INSL3: variants seen among roughly 807,000 people sequenced by gnomAD.
The protein encoded by INSL3 is insulin like 3.
Under a neutral mutation model 5.5 loss-of-function variants are expected in INSL3, and 6 were observed. The ratio of observed to expected loss-of-function variants is 1.08; its 90% CI spans 0.59 to 2.14. The LOEUF (loss-of-function observed/expected upper bound fraction) is 2.14, where lower values mean the gene tolerates loss of function less well. INSL3 is among the 30% of genes most tolerant of loss of function. INSL3 has a pLI of 0.00. For missense variants in INSL3, 178 were observed against 184.7 expected (o/e 0.96, Z 0.21); for synonymous variants, 86 against 82.1 (o/e 1.05, Z -0.26).
At chr19:17,818,793 T>C (rs2094191468) in intron 1 of INSL3, among the ~76,000 whole-genome samples, 1 of 151,804 alleles carries the variant, frequency 6.6e-6, no homozygotes, top group Non-Finnish European at 1.5e-5. Flanking sequence ...TTCATGGCAT[T>C]AGGGGGCAGA....
chr19:17,819,404 C>T (rs1049114038), intron 1 of INSL3, among the ~76,000 whole-genome samples: 15 of 152,006 alleles, frequency 9.9e-5, no homozygotes, highest in Admixed American at 3.3e-4. Flanking sequence ...TGAGCCACCA[C>T]ATCCAGCAAG....
intron 1 of INSL3, among the ~76,000 whole-genome samples, chr19:17,818,262 G>A (rs528955215): frequency 2.2e-4 from 34 of 152,198 alleles, no homozygotes; most frequent in Non-Finnish European, 3.8e-4. Flanking sequence ...CAAACTTGTC[G>A]TATATCCCTG....
intron 1 of INSL3, among the ~76,000 whole-genome samples, chr19:17,820,825 T>C (rs2094194450): frequency 6.6e-6 from 1 of 151,082 alleles, no homozygotes; most frequent in African/African-American, 2.4e-5. Context: ...CTTTTTTTTT[T>C]TTTTTTGAGA....
chr19:17,821,448 G>A lies in INSL3; in HGVS notation c.59C>T (p.Ala20Val). The A allele has an allele frequency of 6.5e-7, 1 of 1,541,784 alleles. No homozygotes were observed. Among genetic ancestry groups the A allele is most frequent in the Non-Finnish European group, 8.8e-7 (1 of 1,141,082 alleles). Residue 20 changes from alanine to valine, a missense_variant, in exon 1 of 2, where the codon GCG (alanine) becomes GTG (valine). Transcript: ENST00000317306. ...LVLLGPALVF[A>V]LGPAPTPEMR... is the part of the protein sequence containing the mutation. ...CTCTGGGGTGGGCGCGGGGCCCAAC[G>A]CGAACACCAGGGCAGGGCCCAGCAG...
In INSL3 at chr19:17,816,765, G is replaced by A. The variant is rs533431953; in HGVS notation, c.*89C>T. On this transcript the variant is annotated 3_prime_UTR_variant, in exon 2 of 2. Transcript: ENST00000317306. ...GAGGTAATCAAAGGCCTGTAGATGC[G>A]AGACTTTATGGTGCTGTGTGGCCTC... 1.6e-4 allele frequency: 213 copies of A among 1,314,554 alleles called. 1 individual carries two copies. In the South Asian group the frequency reaches 2.5e-3, roughly 15 times the overall value. 81.4% of individuals were successfully genotyped at this position (1,314,554 alleles called of 1,614,324 possible).
At chr19:17,821,059 G>T (rs989579589) in intron 1 of INSL3, among the ~76,000 whole-genome samples, 1 of 152,074 alleles carries the variant, frequency 6.6e-6, no homozygotes, top group African/African-American at 2.4e-5. Flanking sequence ...GACCTCTGGG[G>T]ATCCACCCGC....
rs762412864 is a variant in INSL3, at chr19:17,821,326, C to A, written c.181G>T (p.Gly61Ter). ...GCCCGTCCCCACTCACGGTCGCCTC[C>A]GGTCGCAGGCCTCCTGGCTTCGGTG... ...WSTEARRPAT[G>*]GDRELLQWLE... Residue 61 changes from glycine (G) to a stop codon, truncating the protein, a stop_gained, in exon 1 of 2, where the codon GGA becomes TGA. Coordinates refer to ENST00000317306, the MANE Select transcript of INSL3 (RefSeq NM_005543.4). LOFTEE classifies it low-confidence loss of function (END_TRUNC). 4.5e-6 allele frequency: 7 copies of A among 1,547,392 alleles called. No individual in the cohort carries two copies. Among genetic ancestry groups the A allele is most frequent in the Middle Eastern group, 1.8e-4 (1 of 5,604 alleles).
intron 1 of INSL3, among the ~76,000 whole-genome samples, chr19:17,818,621 A>G (rs1164999453): frequency 6.6e-6 from 1 of 151,980 alleles, no homozygotes; most frequent in Non-Finnish European, 1.5e-5. Flanking sequence ...CTCAAAAGAA[A>G]AAAAAAAGGA....
Position 17,821,428 on chromosome 19 carries a change from G to A in INSL3, c.79C>T (p.Pro27Ser), listed in dbSNP as rs538955868. 86 of 1,546,650 alleles carry A rather than the reference G, an allele frequency of 5.6e-5. No individual in the cohort carries two copies. The East Asian group carries it at 1.1e-3, about 20-fold the overall frequency. Residue 27 changes from proline to serine, a missense_variant, in exon 1 of 2, where the codon CCA becomes TCA. Pro to Ser is a moderately conservative substitution (Grantham distance 74). Transcript: ENST00000317306. Reference sequence around the variant, plus strand: ...CCGCACAACTTCTCACGCATCTCTGGGGTGGGCGCGGGGCCCAACGCGAAC... The same window carrying A: ...CCGCACAACTTCTCACGCATCTCTGAGGTGGGCGCGGGGCCCAACGCGAAC... ...LVFALGPAPT[P>S]EMREKLCGHH...
intron 1 of INSL3, 114 bp from the exon 2 acceptor site, chr19:17,817,173 C>A: frequency 1.9e-6 from 2 of 1,064,028 alleles, no homozygotes; most frequent in Non-Finnish European, 1.4e-6. Flanking sequence ...AACACTCATG[C>A]ATGCAGATAA....
At position 17,821,470 on chromosome 19, in the gene INSL3, G is replaced by A; in HGVS notation, c.37C>T (p.Leu13=). 6.6e-7 allele frequency: 1 copy of A among 1,521,236 alleles called. No homozygotes were observed. 94.2% of individuals were successfully genotyped at this position (1,521,236 alleles called of 1,614,324 possible). Residue 13 remains leucine (L), a synonymous_variant, in exon 1 of 2, where the codon CTG becomes TTG. Coordinates refer to ENST00000317306, the MANE Select transcript of INSL3 (RefSeq NM_005543.4). The stretch of plus-strand genomic sequence containing the variant: ...AACGCGAACACCAGGGCAGGGCCCA[G>A]CAGCACCAGCGCCCAGGCGGGCAGA... ...PRLPAWALVL[L]GPALVFALGP...
At chr19:17,817,133 T>G (rs1205114179) in intron 1 of INSL3, 74 bp from the exon 2 acceptor site, 1 of 1,373,382 alleles carries the variant, frequency 7.3e-7, no homozygotes, top group Admixed American at 1.9e-5. Flanking sequence ...TGTGCACGAA[T>G]CCACACACAT....
rs1429837270 is a variant in INSL3, at chr19:17,816,679, A to G, written c.*175T>C. The G allele has an allele frequency of 1.6e-6, 1 of 643,896 alleles. No individual in the cohort carries two copies. Among genetic ancestry groups the G allele is most frequent in the African/African-American group, 1.8e-5 (1 of 55,572 alleles). The allele number at this position is 643,896 out of a possible 1,614,324, so 39.9% of individuals were successfully genotyped here. ...AGGGCTAGGGTGTGATTTATTCTGC[A>G]GTTGACTCCACAGGCTGCAGGTGGC... On this transcript the variant is annotated 3_prime_UTR_variant, in exon 2 of 2. Transcript: ENST00000317306.
chr19:17,819,520 C>CGG (rs2094192437), intron 1 of INSL3, among the ~76,000 whole-genome samples: 1 of 152,082 alleles, frequency 6.6e-6, no homozygotes, highest in African/African-American at 2.4e-5. Context: ...GAGGCTGAGG[C>CGG]GGGCAGATCA....
At chr19:17,819,017 G>A (rs1390960129) in intron 1 of INSL3, among the ~76,000 whole-genome samples, 1 of 151,358 alleles carries the variant, frequency 6.6e-6, no homozygotes, top group Non-Finnish European at 1.5e-5. Context: ...TGAGACTACA[G>A]GTGTGCGCCA....
At chr19:17,820,430 G>A (rs1404235705) in intron 1 of INSL3, 7 of 373,056 alleles carry the variant, frequency 1.9e-5, no homozygotes, top group Non-Finnish European at 3.6e-5. Context: ...GGTCAAGGTG[G>A]GAGGATTACT....
intron 1 of INSL3, 83 bp from the exon 2 acceptor site, chr19:17,817,142 A>G: frequency 6.8e-6 from 9 of 1,327,218 alleles, no homozygotes; most frequent in Non-Finnish European, 9.5e-6. Context: ...ATCCACACAC[A>G]TCCCACTGAG....
rs140829947 is a variant in INSL3, at chr19:17,821,117, G to T, written c.190+200C>A. Among the ~76,000 whole-genome samples the T allele has an allele frequency of 6.1e-3, 928 of 152,264 alleles. 11 individuals carry two copies. Among genetic ancestry groups the T allele is most frequent in the African/African-American group, 0.021 (871 of 41,560 alleles). On this transcript the variant is annotated intron_variant, in intron 1 of 1. Coordinates refer to ENST00000317306, the MANE Select transcript of INSL3 (RefSeq NM_005543.4). The stretch of plus-strand genomic sequence containing the variant: ...ATTGCAGGCGTGAGCCACCACGCCT[G>T]GCTAACGGCTCTGGGGACTTTCACA...
intron 1 of INSL3, among the ~76,000 whole-genome samples, chr19:17,820,836 C>T (rs1300732829): frequency 2.1e-5 from 3 of 141,360 alleles, no homozygotes; most frequent in South Asian, 2.2e-4. Flanking sequence ...TTTTTTGAGA[C>T]GGAGTTTCAC....
Sources: gnomAD v4.1 joint callset for allele counts (sites outside exome capture counted in the v4.1 genomes callset) on GRCh38, gnomAD v4.1.1 for gene constraint, MANE v1.5 for transcripts, NCBI Gene and HGNC (gene_info 2026-07-23, HGNC 2026-07-21) for gene names.